Variants in ADGRB2 observed in about 807,000 individuals in gnomAD.
ADGRB2 encodes the protein adhesion G protein-coupled receptor B2.
ADGRB2 carries 47 observed loss-of-function variants against 178.7 expected under a neutral mutation model. The observed-to-expected ratio is 0.26, with a 90% CI of 0.21 to 0.34. ADGRB2 has a LOEUF of 0.34. ADGRB2 is among the 10% of genes least tolerant of loss of function. The probability of loss-of-function intolerance (pLI) is 1.00; values close to 1 mark genes in which losing one functional copy is unlikely to be tolerated. For synonymous variants in ADGRB2, 870 were observed against 912.4 expected, an observed-to-expected ratio of 0.95 and a Z score of 0.84; for missense variants, 1,584 against 2,180.8, an observed-to-expected ratio of 0.73 and a Z score of 5.45.
Position 31,733,041 on chromosome 1 carries a change from G to T in ADGRB2, c.3555C>A (p.Ala1185=). ...GCGCGGAGTTGAAGACAGCAAAGAG[G>T]GCCTGGAAGAGGACGGAACGGCGGT... ...MTDRRSVLFQ[A]LFAVFNSAQG... is the part of the protein sequence containing the mutation. The change falls in exon 26 of 33, where the codon GCC becomes GCA. Residue 1185 remains alanine (A), a synonymous_variant. Transcript: ENST00000373658. This position sits in a 1 kb window ranked among gnomAD's most constrained non-coding sequence, Gnocchi z 4.3. The T allele has an allele frequency of 6.3e-7, 1 of 1,576,792 alleles. No individual in the cohort carries two copies. Among genetic ancestry groups the T allele is most frequent in the Non-Finnish European group, 8.6e-7 (1 of 1,161,480 alleles).
Position 31,727,701 on chromosome 1 carries a change from G to T in ADGRB2, c.4573-96C>A. On this transcript the variant is annotated intron_variant, in intron 32 of 32. Coordinates refer to ENST00000373658, the MANE Select transcript of ADGRB2 (RefSeq NM_001364857.2). The surrounding 1 kb of genome is among the most constrained non-coding windows in gnomAD (Gnocchi z 4.4). ...AGGAGTCCCAGAGAGGGCTGGTAAT[G>T]CCCAAAGTTATGGAGCAATCAGGTG... The T allele has an allele frequency of 7.8e-7, 1 of 1,290,034 alleles. No individual in the cohort carries two copies. Among genetic ancestry groups the T allele is most frequent in the Non-Finnish European group, 1.0e-6 (1 of 973,384 alleles). 79.9% of individuals were successfully genotyped at this position (1,290,034 alleles called of 1,614,324 possible).
rs748755814 is a variant in ADGRB2, at chr1:31,742,054, C to A, written c.1416G>T (p.Pro472=). ...GCCACCACTGTGCCAAGCACTCACC[C>A]GGGCACTCGAGGTTGCTGCACTCCC... The part of the protein sequence containing the change: ...DTRECSNLEC[P]ATDSKWGPWN... Residue 472 remains proline, a splice_region_variant and synonymous_variant, in exon 8 of 33, where the codon CCG becomes CCT. Coordinates refer to ENST00000373658, the MANE Select transcript of ADGRB2 (RefSeq NM_001364857.2). The A allele has an allele frequency of 1.9e-6, 3 of 1,606,170 alleles. No homozygotes were observed. In the African/African-American group the frequency reaches 4.0e-5, roughly 21 times the overall value.
At position 31,728,177 on chromosome 1, in the gene ADGRB2, C is replaced by T; in HGVS notation, c.4515+5G>A. ...GGCAGGGGCAGCCACGGGAGGAGCC[C>T]TCACCTTGGCCGTGGACTGGCTGCG... On this transcript the variant is annotated splice_donor_5th_base_variant and intron_variant, in intron 31 of 32. Coordinates refer to ENST00000373658, the MANE Select transcript of ADGRB2 (RefSeq NM_001364857.2). This position sits in a 1 kb window ranked among gnomAD's most constrained non-coding sequence, Gnocchi z 6.7. The T allele has an allele frequency of 1.2e-6, 2 of 1,614,164 alleles. No homozygotes were observed. Among genetic ancestry groups the T allele is most frequent in the South Asian group, 2.2e-5 (2 of 91,082 alleles).
At chr1:31,738,690 G>T in intron 16 of ADGRB2, 60 bp from the exon 17 acceptor site, 2 of 1,603,646 alleles carry the variant, frequency 1.2e-6, no homozygotes, top group Non-Finnish European at 1.7e-6. Context: ...CCCCACCACT[G>T]CCCATGCCAT....
chr1:31,737,093 G>A (rs1645654660), intron 20 of ADGRB2, among the ~76,000 whole-genome samples: 1 of 152,172 alleles, frequency 6.6e-6, no homozygotes, highest in Admixed American at 6.5e-5. Flanking sequence ...GTCTGCACAG[G>A]TCGTCCACAG....
chr1:31,757,538 C>T, intron 1 of ADGRB2, 27 bp from the exon 2 acceptor site: 2 of 365,976 alleles, frequency 5.5e-6, no homozygotes, highest in East Asian at 4.9e-5. Flanking sequence ...GGAGAGGCAC[C>T]GAGTAAGGGG....
At position 31,755,384 on chromosome 1, in the gene ADGRB2, G is replaced by A. The variant is rs74916258; in HGVS notation, c.838+615C>T. On this transcript the variant is annotated intron_variant, in intron 4 of 32. Transcript: ENST00000373658. The surrounding 1 kb of genome is among the most constrained non-coding windows in gnomAD (Gnocchi z 5.1). ...CTCGGTCCCAGAAGACATGGGTCCT[G>A]AGGGGGAAGACGGGACACTGGGAGC... 3.7e-3 allele frequency among the ~76,000 whole-genome samples: 564 copies of A among 152,294 alleles called. 3 individuals carry two copies. The highest frequency in any genetic ancestry group is 0.013 in the African/African-American group (542 of 41,572).
At chr1:31,751,942 C>T (rs1646592806) in intron 4 of ADGRB2, among the ~76,000 whole-genome samples, 1 of 152,192 alleles carries the variant, frequency 6.6e-6, no homozygotes, top group African/African-American at 2.4e-5. Flanking sequence ...GGCACTTACT[C>T]TCATCCTCTC....
chr1:31,729,646 C>A (rs903698714), intron 29 of ADGRB2, among the ~76,000 whole-genome samples: 3 of 152,258 alleles, frequency 2.0e-5, no homozygotes, highest in African/African-American at 7.2e-5. Flanking sequence ...CCTACCCAGA[C>A]CTGTTCCTCC....
At position 31,741,786 on chromosome 1, in the gene ADGRB2, C is replaced by G; in HGVS notation, c.1585+14G>C. On this transcript the variant is annotated intron_variant, in intron 9 of 32. Coordinates refer to ENST00000373658, the MANE Select transcript of ADGRB2 (RefSeq NM_001364857.2). The surrounding 1 kb of genome is among the most constrained non-coding windows in gnomAD (Gnocchi z 6.5). ...ACATGGGGCCCCCAGCCCCCAGGGT[C>G]ATTAGGGCAGTACCTGGACACCTCT... 1 of 1,596,146 alleles carries G rather than the reference C, an allele frequency of 6.3e-7. No individual in the cohort carries two copies. Among genetic ancestry groups the G allele is most frequent in the Non-Finnish European group, 8.6e-7 (1 of 1,167,912 alleles).
intron 4 of ADGRB2, among the ~76,000 whole-genome samples, chr1:31,746,205 T>C (rs1478646237): frequency 6.6e-6 from 1 of 152,144 alleles, no homozygotes; most frequent in African/African-American, 2.4e-5. Flanking sequence ...AGGAGGGCCT[T>C]GAAACCCTCA....
intron 4 of ADGRB2, among the ~76,000 whole-genome samples, chr1:31,751,041 G>C (rs1646542200): frequency 6.6e-6 from 1 of 152,082 alleles, no homozygotes; most frequent in Non-Finnish European, 1.5e-5. Flanking sequence ...CCAGTTTCTT[G>C]CTGCCATAAA....
At chr1:31,752,979 C>A (rs1646653786) in intron 4 of ADGRB2, among the ~76,000 whole-genome samples, 1 of 152,160 alleles carries the variant, frequency 6.6e-6, no homozygotes. Context: ...CCAGTGCCCA[C>A]AGGGGAGGTA....
At position 31,741,336 on chromosome 1, in the gene ADGRB2, G is replaced by T; in HGVS notation, c.1794+37C>A. 6.4e-7 allele frequency: 1 copy of T among 1,557,992 alleles called. No homozygotes were observed. The highest frequency in any genetic ancestry group is 1.2e-5 in the South Asian group (1 of 85,554). ...CCACCCCCTAGCAGAGTCTGAGACAGATTCTGCTGTGCCCCAGCCCAGCAG... is the reference window on the plus strand; with the variant it reads ...CCACCCCCTAGCAGAGTCTGAGACATATTCTGCTGTGCCCCAGCCCAGCAG... On this transcript the variant is annotated intron_variant, in intron 11 of 32. Coordinates refer to ENST00000373658, the MANE Select transcript of ADGRB2 (RefSeq NM_001364857.2). The surrounding 1 kb of genome is among the most constrained non-coding windows in gnomAD (Gnocchi z 6.5).
Position 31,740,939 on chromosome 1 carries a change from T to G in ADGRB2, c.1795-398A>C, listed in dbSNP as rs1448712911. On this transcript the variant is annotated intron_variant, in intron 11 of 32. Coordinates refer to ENST00000373658, the MANE Select transcript of ADGRB2 (RefSeq NM_001364857.2). The surrounding 1 kb of genome is among the most constrained non-coding windows in gnomAD (Gnocchi z 5.9). The stretch of plus-strand genomic sequence containing the variant: ...CACACACACACACTGTCTTTCTCTC[T>G]CTCACTCTCTCTCAACACAAGCTCT... 6.9e-6 allele frequency among the ~76,000 whole-genome samples: 1 copy of G among 145,582 alleles called. No individual in the cohort carries two copies. Among genetic ancestry groups the G allele is most frequent in the Non-Finnish European group, 1.5e-5 (1 of 64,838 alleles).
rs773820971 is a variant in ADGRB2 at position 31,744,614 on chromosome 1, C to G, written c.922+34G>C. 1.9e-6 allele frequency: 3 copies of G among 1,610,256 alleles called. No individual in the cohort carries two copies. Among genetic ancestry groups the G allele is most frequent in the Non-Finnish European group, 2.5e-6 (3 of 1,177,624 alleles). On this transcript the variant is annotated intron_variant, in intron 5 of 32. Coordinates refer to ENST00000373658, the MANE Select transcript of ADGRB2 (RefSeq NM_001364857.2). This position sits in a 1 kb window ranked among gnomAD's most constrained non-coding sequence, Gnocchi z 6.7. ...CCACCAGACGCACACAGTCGGGCCC[C>G]CGCCGCAGAGGAAGGGAGGCGGGCC... is the stretch of plus-strand genomic sequence containing the variant.
In ADGRB2 at chr1:31,735,925, C is replaced by G; in HGVS notation, c.3201-32G>C. 6.4e-7 allele frequency: 1 copy of G among 1,551,340 alleles called. No homozygotes were observed. Among genetic ancestry groups the G allele is most frequent in the South Asian group, 1.2e-5 (1 of 84,016 alleles). On this transcript the variant is annotated intron_variant, in intron 22 of 32. Transcript: ENST00000373658. The surrounding 1 kb of genome is among the most constrained non-coding windows in gnomAD (Gnocchi z 6.0). ...TGGGGGAGAAGAAGGGTGTCAGACA[C>G]CCAGCAGCCTCCCTCCCCACCCTCA...
At position 31,756,287 on chromosome 1, in the gene ADGRB2, C is replaced by T. The variant is rs1557791191; in HGVS notation, c.550G>A (p.Glu184Lys). The change falls in exon 4 of 33, where the codon GAG (glutamate) becomes AAG (lysine). Residue 184 changes from glutamate to lysine, a missense_variant. Physicochemically the swap from Glu to Lys is moderately conservative, Grantham distance 56. Coordinates refer to ENST00000373658, the MANE Select transcript of ADGRB2 (RefSeq NM_001364857.2). This position sits in a 1 kb window ranked among gnomAD's most constrained non-coding sequence, Gnocchi z 8.5. ...TTGTTGTTGTTGATGAGCAAGACCT[C>T]GACAAAGCGGAAGGCTAGGGCAGCG... Reference protein sequence around the residue: ...APAALAFRFVEVLLINNNNSS... With the variant: ...APAALAFRFVKVLLINNNNSS... 1 of 1,613,092 alleles carries T rather than the reference C, an allele frequency of 6.2e-7. No homozygotes were observed. Among genetic ancestry groups the T allele is most frequent in the Non-Finnish European group, 8.5e-7 (1 of 1,179,962 alleles).
Position 31,755,213 on chromosome 1 carries a change from G to A in ADGRB2, c.838+786C>T, listed in dbSNP as rs557844222. On this transcript the variant is annotated intron_variant, in intron 4 of 32. Coordinates refer to ENST00000373658, the MANE Select transcript of ADGRB2 (RefSeq NM_001364857.2). This position sits in a 1 kb window ranked among gnomAD's most constrained non-coding sequence, Gnocchi z 5.1. ...CAGCGGGCACACAGGATCCAGCTGA[G>A]GCCCTCAGGGCCTTGAAGCTGCAGG... 5.9e-5 allele frequency among the ~76,000 whole-genome samples: 9 copies of A among 152,234 alleles called. No individual in the cohort carries two copies. Among genetic ancestry groups the A allele is most frequent in the Non-Finnish European group, 1.0e-4 (7 of 68,040 alleles).
Sources: gnomAD v4.1 joint callset for allele counts (sites outside exome capture counted in the v4.1 genomes callset) on GRCh38, gnomAD v4.1.1 for gene constraint, Gnocchi (gnomAD v3.1) non-coding constraint, MANE v1.5 for transcripts, NCBI Gene and HGNC (gene_info 2026-07-23, HGNC 2026-07-21) for gene names.